The following DPY19L3 variants were observed in gnomAD, a reference collection of about 807,000 sequenced individuals.
DPY19L3 encodes the protein protein C-mannosyl-transferase DPY19L3.
In DPY19L3, 51 loss-of-function variants were observed where a neutral mutation model predicts 92.3. The observed-to-expected ratio is 0.55, with a 90% CI of 0.44 to 0.70. The LOEUF (loss-of-function observed/expected upper bound fraction) is 0.70, where lower values mean the gene tolerates loss of function less well. Among genes scored for constraint, DPY19L3 ranks in the 30% least tolerant of loss-of-function variants. The pLI, the probability that DPY19L3 is intolerant of heterozygous loss-of-function variation, is 0.00. For synonymous variants in DPY19L3, 309 were observed against 315.2 expected (o/e 0.98, Z 0.21); for missense variants, 706 against 855.9 (o/e 0.82, Z 2.18).
intron 16 of DPY19L3, among the ~76,000 whole-genome samples, chr19:32,470,371 T>C (rs1219739001): frequency 6.6e-6 from 1 of 152,212 alleles, no homozygotes; most frequent in African/African-American, 2.4e-5. Flanking sequence ...TTTTCTGTTT[T>C]CAGGACTATG....
chr19:32,471,661 C>T (rs1214216179), intron 16 of DPY19L3, among the ~76,000 whole-genome samples: 1 of 152,196 alleles, frequency 6.6e-6, no homozygotes, highest in Non-Finnish European at 1.5e-5. Context: ...CTCCTGGACA[C>T]AGGGCTTCCG....
At chr19:32,480,646 A>G in intron 18 of DPY19L3, 89 bp downstream of exon 18, 1 of 1,433,646 alleles carries the variant, frequency 7.0e-7, no homozygotes. Flanking sequence ...TTTTATCCTT[A>G]ATGTCTAGTT....
intron 3 of DPY19L3, among the ~76,000 whole-genome samples, chr19:32,424,108 G>C (rs1453133813): frequency 6.6e-6 from 1 of 152,018 alleles, no homozygotes; most frequent in East Asian, 1.9e-4. Context: ...CTTGAGCCCA[G>C]AAGTTCAAGA....
intron 18 of DPY19L3, 41 bp downstream of exon 18, chr19:32,480,598 G>A: frequency 6.3e-7 from 1 of 1,578,556 alleles, no homozygotes; most frequent in South Asian, 1.2e-5. Flanking sequence ...TCTCCTGGAG[G>A]GGCGGGACTC....
chr19:32,444,091 G>A (rs1273987265), intron 8 of DPY19L3, among the ~76,000 whole-genome samples: 1 of 150,824 alleles, frequency 6.6e-6, no homozygotes. Context: ...AATCTCTCTT[G>A]AGTGAAAAGA....
At chr19:32,430,921 C>T (rs960408301) in intron 3 of DPY19L3, among the ~76,000 whole-genome samples, 1 of 151,922 alleles carries the variant, frequency 6.6e-6, no homozygotes, top group African/African-American at 2.4e-5. Context: ...GCCACCGCAC[C>T]CAGCCTGAGT....
At chr19:32,411,653 T>C (rs1199581815) in intron 3 of DPY19L3, 5 of 381,070 alleles carry the variant, frequency 1.3e-5, no homozygotes, top group East Asian at 1.2e-4. Flanking sequence ...CTACAACCTC[T>C]GCCTCGCAGG....
chr19:32,434,526 G>A (rs1026572644), intron 4 of DPY19L3, among the ~76,000 whole-genome samples: 1 of 152,168 alleles, frequency 6.6e-6, no homozygotes, highest in African/African-American at 2.4e-5. Flanking sequence ...GGGCGTAGTG[G>A]CGCATGCCTG....
At chr19:32,458,541 C>T in intron 12 of DPY19L3, 32 bp downstream of exon 12, 7 of 1,576,608 alleles carry the variant, frequency 4.4e-6, no homozygotes, top group Non-Finnish European at 5.1e-6. Flanking sequence ...TAATGCTCTC[C>T]TTTAATGAAC....
At chr19:32,417,998 A>AGTTCC (rs1968434376) in intron 3 of DPY19L3, among the ~76,000 whole-genome samples, 1 of 152,128 alleles carries the variant, frequency 6.6e-6, no homozygotes. Context: ...TGAAGGCAGG[A>AGTTCC]GTTCCGTCTG....
intron 8 of DPY19L3, among the ~76,000 whole-genome samples, chr19:32,442,202 G>A (rs1354194118): frequency 6.6e-6 from 1 of 152,194 alleles, no homozygotes; most frequent in Non-Finnish European, 1.5e-5. Flanking sequence ...ACCTTCTACA[G>A]TACATTTTGT....
At chr19:32,479,126 G>A (rs1970598101) in intron 17 of DPY19L3, among the ~76,000 whole-genome samples, 1 of 152,114 alleles carries the variant, frequency 6.6e-6, no homozygotes, top group Non-Finnish European at 1.5e-5. Context: ...CTTGTTTTGA[G>A]GTGAGATTTG....
chr19:32,437,646 A>G (rs1568337440), intron 6 of DPY19L3, among the ~76,000 whole-genome samples: 1 of 152,112 alleles, frequency 6.6e-6, no homozygotes. Context: ...CTCATCTCTT[A>G]AAGGGTTTTT....
rs576902293 is a variant in DPY19L3, at chr19:32,445,102, A to G, written c.855+5192A>G. Among the ~76,000 whole-genome samples, 8 of 150,756 alleles carry G rather than the reference A, an allele frequency of 5.3e-5. No individual in the cohort carries two copies. In the East Asian group the frequency reaches 7.9e-4, roughly 15 times the overall value. The stretch of plus-strand genomic sequence containing the variant: ...AAAAAAAAAAAAAAAACAAAAAACA[A>G]TGGAGGCCAAAAGGAAGTGGCCTAG... On this transcript the variant is annotated intron_variant, in intron 8 of 18. Coordinates refer to ENST00000392250, the MANE Select transcript of DPY19L3 (RefSeq NM_001172774.2).
intron 15 of DPY19L3, among the ~76,000 whole-genome samples, chr19:32,465,128 T>C (rs1970162141): frequency 6.6e-6 from 1 of 152,244 alleles, no homozygotes; most frequent in South Asian, 2.1e-4. Context: ...ACCTGATTTA[T>C]ATAGACTAAG....
intron 18 of DPY19L3, chr19:32,480,989 C>G: frequency 5.0e-6 from 2 of 397,076 alleles, no homozygotes. Flanking sequence ...TCCCCCTACC[C>G]CTCCTGCCCT....
chr19:32,434,347 T>G lies in DPY19L3; in HGVS notation c.328+1541T>G, dbSNP rs1969067552. Among the ~76,000 whole-genome samples, 4 of 152,186 alleles carry G rather than the reference T, an allele frequency of 2.6e-5. No homozygotes were observed. The South Asian group carries it at 8.3e-4, about 32-fold the overall frequency. ...CCATGTCCTTTGCATTGTTTTGCTG[T>G]TTGTTGAAGTTTAAAATGATCCTCT... On this transcript the variant is annotated intron_variant, in intron 4 of 18. Coordinates refer to ENST00000392250, the MANE Select transcript of DPY19L3 (RefSeq NM_001172774.2).
chr19:32,462,579 G>T (rs192610970), intron 12 of DPY19L3, among the ~76,000 whole-genome samples: 2 of 152,154 alleles, frequency 1.3e-5, no homozygotes, highest in South Asian at 4.1e-4. Flanking sequence ...AGCATGAAAC[G>T]TATAACCACC....
chr19:32,424,460 A>G lies in DPY19L3; in HGVS notation c.238-8256A>G, dbSNP rs1968688749. ...GGCAACATGGTGAAAACTTGTCTCT[A>G]CTAAAAATACAAAAAAAAAAATTAG... On this transcript the variant is annotated intron_variant, in intron 3 of 18. Coordinates refer to ENST00000392250, the MANE Select transcript of DPY19L3 (RefSeq NM_001172774.2). Among the ~76,000 whole-genome samples the G allele has an allele frequency of 2.6e-5, 4 of 151,988 alleles. No individual in the cohort carries two copies. The South Asian group carries it at 8.3e-4, about 31-fold the overall frequency.
Sources: gnomAD v4.1 joint callset for allele counts (sites outside exome capture counted in the v4.1 genomes callset) on GRCh38, gnomAD v4.1.1 for gene constraint, MANE v1.5 for transcripts, NCBI Gene and HGNC (gene_info 2026-07-23, HGNC 2026-07-21) for gene names.